ALDH3A2: variants seen among roughly 807,000 people sequenced by gnomAD.
The protein encoded by ALDH3A2 is aldehyde dehydrogenase family 3 member A2.
ALDH3A2 carries 36 observed loss-of-function variants against 51.3 expected under a neutral mutation model. That is an observed-to-expected ratio of 0.70 (90% CI 0.54 to 0.93). The LOEUF (loss-of-function observed/expected upper bound fraction) is 0.93, where lower values mean the gene tolerates loss of function less well. ALDH3A2 is among the 40% of genes least tolerant of loss of function. ALDH3A2 has a pLI of 0.00. For synonymous variants in ALDH3A2, 199 were observed against 219.8 expected, an observed-to-expected ratio of 0.91 and a Z score of 0.84; for missense variants, 552 against 603.1, an observed-to-expected ratio of 0.92 and a Z score of 0.89.
rs786204677 is a variant in ALDH3A2 at position 19,657,867 on chromosome 17, G to A, written c.798+5G>A. The A allele has an allele frequency of 1.9e-6, 3 of 1,582,130 alleles. No homozygotes were observed. The highest frequency in any genetic ancestry group is 1.7e-6 in the Non-Finnish European group (2 of 1,151,068). On this transcript the variant is annotated splice_donor_5th_base_variant and intron_variant, in intron 5 of 9. Transcript: ENST00000176643. The stretch of plus-strand genomic sequence containing the variant: ...AAGATTAAGGAAACAGTGAAGGTTT[G>A]TATTAAAAACATCTGATTCCACTGA...
rs769851025 is a variant in ALDH3A2 at position 19,657,877 on chromosome 17, C to T, written c.798+15C>T. ...AAACAGTGAAGGTTTGTATTAAAAACATCTGATTCCACTGATTTTAATAAG... is the reference window on the plus strand; with the variant it reads ...AAACAGTGAAGGTTTGTATTAAAAATATCTGATTCCACTGATTTTAATAAG... On this transcript the variant is annotated intron_variant, in intron 5 of 9. Coordinates refer to ENST00000176643, the MANE Select transcript of ALDH3A2 (RefSeq NM_000382.3). 1.3e-6 allele frequency: 2 copies of T among 1,541,622 alleles called. No individual in the cohort carries two copies. The highest frequency in any genetic ancestry group is 1.8e-6 in the Non-Finnish European group (2 of 1,114,538).
intron 3 of ALDH3A2, chr17:19,656,103 T>C (rs2084891757): frequency 2.1e-6 from 1 of 482,048 alleles, no homozygotes; most frequent in Non-Finnish European, 3.8e-6. Flanking sequence ...TTTGTTCTCC[T>C]TAGTGTCTTT....
chr17:19,660,579 G>A (rs1022355018), intron 5 of ALDH3A2, among the ~76,000 whole-genome samples: 4 of 152,122 alleles, frequency 2.6e-5, no homozygotes, highest in Non-Finnish European at 5.9e-5. Context: ...TTGATCCTTC[G>A]GGTGGTTTCA....
chr17:19,654,210 C>G lies in ALDH3A2; in HGVS notation c.471+1578C>G, dbSNP rs1469973127. ...AATCCTCCGGCTAGACATAAAAGTT[C>G]TCTAAGTCCCCACCCGACTCAGGAG... On this transcript the variant is annotated intron_variant, in intron 3 of 9. Coordinates refer to ENST00000176643, the MANE Select transcript of ALDH3A2 (RefSeq NM_000382.3). The surrounding 1 kb of genome is among the most constrained non-coding windows in gnomAD (Gnocchi z 4.5). 6.6e-6 allele frequency among the ~76,000 whole-genome samples: 1 copy of G among 152,270 alleles called. No homozygotes were observed. Among genetic ancestry groups the G allele is most frequent in the Non-Finnish European group, 1.5e-5 (1 of 68,050 alleles).
chr17:19,652,719 G>T (rs936371850), intron 3 of ALDH3A2, 87 bp downstream of exon 3: 6 of 1,172,504 alleles, frequency 5.1e-6, no homozygotes, highest in African/African-American at 4.5e-5. Flanking sequence ...GTTATTGCTG[G>T]CCGGGGACCC....
intron 8 of ALDH3A2, 118 bp from the exon 9 acceptor site, chr17:19,671,603 T>C: frequency 1.2e-6 from 1 of 860,832 alleles, no homozygotes; most frequent in Non-Finnish European, 2.0e-6. Context: ...CTGGCAGAGA[T>C]GTTCAGTGGG....
chr17:19,657,670 A>G lies in ALDH3A2; in HGVS notation c.681-75A>G. On this transcript the variant is annotated intron_variant, in intron 4 of 9. Coordinates refer to ENST00000176643, the MANE Select transcript of ALDH3A2 (RefSeq NM_000382.3). ...ATCTATTTTAGTTGCAAGACATTCA[A>G]ACAACACAATGTAACAAATGAATAT... The G allele has an allele frequency of 2.6e-6, 3 of 1,160,344 alleles. No homozygotes were observed. The South Asian group carries it at 3.7e-5, about 14-fold the overall frequency. 71.9% of individuals were successfully genotyped at this position (1,160,344 alleles called of 1,614,324 possible).
intron 8 of ALDH3A2, among the ~76,000 whole-genome samples, chr17:19,666,998 A>G (rs929168848): frequency 6.6e-6 from 1 of 152,044 alleles, no homozygotes; most frequent in Non-Finnish European, 1.5e-5. Context: ...TTGACCCCCA[A>G]ATGTAAAAAG....
chr17:19,661,077 T>G (rs113625085), intron 5 of ALDH3A2, 50 bp from the exon 6 acceptor site: 1 of 1,579,916 alleles, frequency 6.3e-7, no homozygotes, highest in South Asian at 1.1e-5. Context: ...CTTACTGAAA[T>G]TGAATTGTGG....
Position 19,676,086 on chromosome 17 carries a change from C to T in ALDH3A2, c.*514C>T, listed in dbSNP as rs1375050209. The stretch of plus-strand genomic sequence containing the variant: ...CTCTATGTGGGGAAGGGAGGGGTTA[C>T]TCCTCCTCCAATGGGACTCAAGGAC... On this transcript the variant is annotated 3_prime_UTR_variant, in exon 10 of 10. Transcript: ENST00000176643. 1 of 164,612 alleles carries T rather than the reference C, an allele frequency of 6.1e-6. No individual in the cohort carries two copies. Among genetic ancestry groups the T allele is most frequent in the Non-Finnish European group, 1.3e-5 (1 of 75,256 alleles). 10.2% of individuals were successfully genotyped at this position (164,612 alleles called of 1,614,324 possible). A position where few individuals can be genotyped will look rare whatever the true frequency, so the allele number is the denominator to read the frequency against.
intron 6 of ALDH3A2, among the ~76,000 whole-genome samples, chr17:19,662,569 C>G (rs2084980224): frequency 6.6e-6 from 1 of 152,120 alleles, no homozygotes; most frequent in South Asian, 2.1e-4. Flanking sequence ...CTTTGTCTAG[C>G]CTCCCCAGCA....
intron 8 of ALDH3A2, among the ~76,000 whole-genome samples, chr17:19,665,689 G>T (rs1175051151): frequency 1.3e-5 from 2 of 152,102 alleles, no homozygotes; most frequent in Non-Finnish European, 2.9e-5. Flanking sequence ...TGACCTGCCT[G>T]CCTCTCCCAC....
rs188857068 is a variant in ALDH3A2, at chr17:19,660,602, A to C, written c.799-525A>C. On this transcript the variant is annotated intron_variant, in intron 5 of 9. Coordinates refer to ENST00000176643, the MANE Select transcript of ALDH3A2 (RefSeq NM_000382.3). ...TCGGGTGGTTTCACCATCATGTGTA[A>C]GTGGTGGAAATACCAGTTCAAAGAA... 2.6e-5 allele frequency among the ~76,000 whole-genome samples: 4 copies of C among 152,366 alleles called. No individual in the cohort carries two copies. The East Asian group carries it at 7.7e-4, about 29-fold the overall frequency.
chr17:19,670,372 T>C (rs2085095921), intron 8 of ALDH3A2, among the ~76,000 whole-genome samples: 1 of 152,052 alleles, frequency 6.6e-6, no homozygotes, highest in Admixed American at 6.6e-5. Context: ...TTCATGTCAG[T>C]TTTTTGCTTT....
Position 19,667,923 on chromosome 17 carries a change from A to G in ALDH3A2, c.1207+2876A>G, listed in dbSNP as rs143972739. On this transcript the variant is annotated intron_variant, in intron 8 of 9. Transcript: ENST00000176643. ...ATAGATATTTCAAGTGTCTTTGCAG[A>G]TTTCTGCCACTTTATATTCCCATGA... is the stretch of plus-strand genomic sequence containing the variant. Among the ~76,000 whole-genome samples the G allele has an allele frequency of 6.7e-3, 1,019 of 152,282 alleles. 7 individuals are homozygous for G. The highest frequency in any genetic ancestry group is 0.022 in the African/African-American group (929 of 41,554).
intron 1 of ALDH3A2, 100 bp from the exon 2 acceptor site, chr17:19,651,447 T>G: frequency 1.0e-6 from 1 of 988,914 alleles, no homozygotes; most frequent in Non-Finnish European, 1.6e-6. Context: ...ATAATGCCAG[T>G]TGTTGTCACT....
chr17:19,648,726 A>C (rs2084768215), upstream of ALDH3A2: 1 of 573,076 alleles, frequency 1.7e-6, no homozygotes, highest in Admixed American at 3.0e-5. Context: ...CCAGGCCAAT[A>C]GGGGTGAGGC....
intron 9 of ALDH3A2, 111 bp downstream of exon 9, chr17:19,672,067 A>G: frequency 9.7e-7 from 1 of 1,029,812 alleles, no homozygotes; most frequent in Non-Finnish European, 1.5e-6. Flanking sequence ...AGACAGGGTC[A>G]GTGAACCACA....
Position 19,651,712 on chromosome 17 carries a change from A to G in ALDH3A2, c.319A>G (p.Ile107Val). 6.2e-7 allele frequency: 1 copy of G among 1,614,220 alleles called. No homozygotes were observed. Among genetic ancestry groups the G allele is most frequent in the Non-Finnish European group, 8.5e-7 (1 of 1,180,042 alleles). ...GCCACAGCCTCTGGGAGTGGTGCTG[A>G]TAATCGGAGCTTGGAATTACCCCTT... Reference protein sequence around the residue: ...IQPQPLGVVLIIGAWNYPFVL... With the variant: ...IQPQPLGVVLVIGAWNYPFVL... The change falls in exon 2 of 10, where the codon ATA becomes GTA. Residue 107 changes from isoleucine to valine, a missense_variant. Physicochemically the swap from Ile to Val is conservative, Grantham distance 29. Coordinates refer to ENST00000176643, the MANE Select transcript of ALDH3A2 (RefSeq NM_000382.3).
Sources: gnomAD v4.1 joint callset for allele counts (sites outside exome capture counted in the v4.1 genomes callset) on GRCh38, gnomAD v4.1.1 for gene constraint, Gnocchi (gnomAD v3.1) non-coding constraint, MANE v1.5 for transcripts, NCBI Gene and HGNC (gene_info 2026-07-23, HGNC 2026-07-21) for gene names.